PLCB1: variants seen among roughly 807,000 people sequenced by gnomAD.
The protein encoded by PLCB1 is 1-phosphatidylinositol 4,5-bisphosphate phosphodiesterase beta-1.
PLCB1 carries 46 observed loss-of-function variants against 161.8 expected under a neutral mutation model. The observed-to-expected ratio is 0.28, with a 90% CI of 0.22 to 0.36. The LOEUF (loss-of-function observed/expected upper bound fraction) is 0.36, where lower values mean the gene tolerates loss of function less well. PLCB1 is among the 10% of genes least tolerant of loss of function. PLCB1 has a pLI of 1.00. For missense variants in PLCB1, 1,016 were observed against 1,472.5 expected, an observed-to-expected ratio of 0.69 and a Z score of 5.07; for synonymous variants, 517 against 503.7, an observed-to-expected ratio of 1.03 and a Z score of -0.35.
intron 2 of PLCB1, among the ~76,000 whole-genome samples, chr20:8,342,075 T>G (rs1014823213): frequency 6.6e-6 from 1 of 152,168 alleles, no homozygotes; most frequent in South Asian, 2.1e-4. Flanking sequence ...AGAACATCTT[T>G]AAAGGTACCA....
intron 2 of PLCB1, among the ~76,000 whole-genome samples, chr20:8,246,588 A>G (rs1484418249): frequency 2.0e-5 from 3 of 151,966 alleles, no homozygotes; most frequent in Admixed American, 6.6e-5. Context: ...ACATAGCAGA[A>G]GGCAAAGAAA....
At chr20:8,801,926 C>A in intron 31 of PLCB1, 2 of 689,836 alleles carry the variant, frequency 2.9e-6, no homozygotes, top group Non-Finnish European at 5.3e-6. Flanking sequence ...TAAAGGCAAA[C>A]AGAGGAGTTA....
At chr20:8,681,058 A>G (rs1990195827) in intron 9 of PLCB1, among the ~76,000 whole-genome samples, 1 of 122,886 alleles carries the variant, frequency 8.1e-6, no homozygotes, top group African/African-American at 2.9e-5. Flanking sequence ...ATATACTTAT[A>G]TGTATATATG....
intron 3 of PLCB1, among the ~76,000 whole-genome samples, chr20:8,495,312 A>C (rs928814621): frequency 1.3e-4 from 19 of 151,914 alleles, no homozygotes; most frequent in Non-Finnish European, 2.8e-4. Context: ...GTCAAAATGC[A>C]GACCTTAACA....
chr20:8,171,427 G>T (rs969814370), intron 2 of PLCB1, among the ~76,000 whole-genome samples: 3 of 152,020 alleles, frequency 2.0e-5, no homozygotes, highest in Non-Finnish European at 4.4e-5. Context: ...TTGTATGGGA[G>T]AGGTACTGAT....
At chr20:8,766,665 G>A (rs963764227) in intron 26 of PLCB1, among the ~76,000 whole-genome samples, 2 of 152,162 alleles carry the variant, frequency 1.3e-5, no homozygotes, top group African/African-American at 4.8e-5. Flanking sequence ...TTGATATGGC[G>A]AAATTTGAGA....
intron 7 of PLCB1, chr20:8,649,666 C>A: frequency 1.8e-6 from 1 of 542,166 alleles, no homozygotes; most frequent in Non-Finnish European, 3.3e-6. Context: ...CATGTTCTTC[C>A]CCCTCACCAT....
intron 16 of PLCB1, among the ~76,000 whole-genome samples, chr20:8,726,203 TA>T (rs1044154187): frequency 1.3e-4 from 20 of 152,132 alleles, no homozygotes; most frequent in African/African-American, 4.8e-4. Flanking sequence ...TATACTTATC[TA>T]AAATACTGCT....
intron 3 of PLCB1, among the ~76,000 whole-genome samples, chr20:8,513,529 G>A (rs531001205): frequency 2.6e-5 from 4 of 152,320 alleles, no homozygotes; most frequent in East Asian, 3.9e-4. Context: ...AATTCGGAAC[G>A]AATACCTATA....
At chr20:8,523,496 C>CTATATATATA (rs777011717) in intron 3 of PLCB1, among the ~76,000 whole-genome samples, 10 of 51,636 alleles carry the variant, frequency 1.9e-4, no homozygotes, top group East Asian at 1.2e-3. Flanking sequence ...CTCTCTCTCT[C>CTATATATATA]TATATATATA....
intron 18 of PLCB1, among the ~76,000 whole-genome samples, chr20:8,732,793 T>C (rs1980337007): frequency 6.9e-6 from 1 of 145,596 alleles, no homozygotes; most frequent in South Asian, 2.1e-4. Flanking sequence ...ATAAATAATA[T>C]ATCTAATATA....
chr20:8,203,066 C>T (rs1446989743), intron 2 of PLCB1, among the ~76,000 whole-genome samples: 1 of 150,882 alleles, frequency 6.6e-6, no homozygotes, highest in East Asian at 1.9e-4. Context: ...TGGAAGAGCT[C>T]AGTCATTCTG....
At chr20:8,418,109 A>T (rs573338068) in intron 3 of PLCB1, among the ~76,000 whole-genome samples, 3 of 152,298 alleles carry the variant, frequency 2.0e-5, no homozygotes, top group African/African-American at 7.2e-5. Context: ...TAAAAGTCAG[A>T]GTTAGGGTCT....
At chr20:8,556,007 T>A (rs1985940601) in intron 3 of PLCB1, among the ~76,000 whole-genome samples, 1 of 152,014 alleles carries the variant, frequency 6.6e-6, no homozygotes, top group African/African-American at 2.4e-5. Flanking sequence ...TGAAATTTAA[T>A]AAGTGACTCT....
At chr20:8,562,322 G>A (rs1986167635) in intron 3 of PLCB1, among the ~76,000 whole-genome samples, 1 of 152,092 alleles carries the variant, frequency 6.6e-6, no homozygotes, top group African/African-American at 2.4e-5. Flanking sequence ...ATGTGAGTGT[G>A]AAAAGCTGCT....
At chr20:8,134,270 A>G (rs2051321694) in intron 1 of PLCB1, among the ~76,000 whole-genome samples, 1 of 152,240 alleles carries the variant, frequency 6.6e-6, no homozygotes. Context: ...GGTCTTGCCC[A>G]TTTTGAGATC....
chr20:8,499,269 A>T (rs1394849012), intron 3 of PLCB1, among the ~76,000 whole-genome samples: 3 of 152,176 alleles, frequency 2.0e-5, no homozygotes, highest in Non-Finnish European at 4.4e-5. Context: ...ACATACAAGT[A>T]TTGCTTTTTT....
At chr20:8,440,686 C>T (rs1165478348) in intron 3 of PLCB1, among the ~76,000 whole-genome samples, 1 of 151,842 alleles carries the variant, frequency 6.6e-6, no homozygotes, top group Admixed American at 6.6e-5. Context: ...TTAAAGGATA[C>T]AAAATTATAG....
At chr20:8,291,034 T>G (rs1983358767) in intron 2 of PLCB1, among the ~76,000 whole-genome samples, 1 of 150,148 alleles carries the variant, frequency 6.7e-6, no homozygotes, top group South Asian at 2.1e-4. Flanking sequence ...AGTAACAATC[T>G]TTTTGTGAAA....
Sources: gnomAD v4.1 joint callset for allele counts (sites outside exome capture counted in the v4.1 genomes callset) on GRCh38, gnomAD v4.1.1 for gene constraint, MANE v1.5 for transcripts, NCBI Gene and HGNC (gene_info 2026-07-23, HGNC 2026-07-21) for gene names.